The following LAMA2 variants were observed in gnomAD, a reference collection of about 807,000 sequenced individuals.
LAMA2 encodes laminin subunit alpha-2.
Under a neutral mutation model 364.8 loss-of-function variants are expected in LAMA2, and 269 were observed. The observed-to-expected ratio is 0.74, with a 90% CI of 0.67 to 0.82. The LOEUF is 0.82. Among genes scored for constraint, LAMA2 ranks in the 40% least tolerant of loss-of-function variants. The pLI is 0.00. For synonymous variants in LAMA2, 1,379 were observed against 1,370.6 expected (o/e 1.01, Z -0.14); for missense variants, 3,807 against 3,873.2 (o/e 0.98, Z 0.45).
At chr6:128,884,246 A>G (rs551527465) in intron 1 of LAMA2, among the ~76,000 whole-genome samples, 1 of 152,288 alleles carries the variant, frequency 6.6e-6, no homozygotes, top group African/African-American at 2.4e-5. Flanking sequence ...CATGTGCAGC[A>G]TTGTAAGACA....
intron 37 of LAMA2, among the ~76,000 whole-genome samples, chr6:129,400,986 T>G (rs1442191273): frequency 6.6e-6 from 1 of 152,254 alleles, no homozygotes; most frequent in Non-Finnish European, 1.5e-5. Flanking sequence ...CGCATAACTT[T>G]TCTTCGCTTG....
At chr6:128,909,126 G>A (rs1224926708) in intron 1 of LAMA2, among the ~76,000 whole-genome samples, 2 of 151,488 alleles carry the variant, frequency 1.3e-5, no homozygotes, top group Non-Finnish European at 2.9e-5. Flanking sequence ...ATTTGGGGTG[G>A]AGAGTTCTGT....
At chr6:129,410,523 TTAGATCTTCACTA>T (rs1457077130) in intron 40 of LAMA2, among the ~76,000 whole-genome samples, 1 of 152,186 alleles carries the variant, frequency 6.6e-6, no homozygotes, top group African/African-American at 2.4e-5. Context: ...ATTTGTTTAG[TTAGATCTTCACTA>T]GAAATAAGTA....
Position 129,438,672 on chromosome 6 carries a change from A to G in LAMA2, c.5995A>G (p.Lys1999Glu), listed in dbSNP as rs1463542458. Residue 1999 changes from lysine (K) to glutamate (E), a missense_variant, in exon 42 of 65, where the codon AAA becomes GAA. Coordinates refer to ENST00000421865, the MANE Select transcript of LAMA2 (RefSeq NM_000426.4). ...AAATGAAGACCATCTAAATGGCTTA[A>G]AAACCAGGATAGAAAATGCTGATGC... ...KENEDHLNGL[K>E]TRIENADARN... 1 of 1,605,792 alleles carries G rather than the reference A, an allele frequency of 6.2e-7. No individual in the cohort carries two copies. The highest frequency in any genetic ancestry group is 2.2e-5 in the East Asian group (1 of 44,718).
Position 128,914,418 on chromosome 6 carries a change from G to A in LAMA2, c.112+31061G>A, listed in dbSNP as rs567069021. 8.8e-4 allele frequency among the ~76,000 whole-genome samples: 134 copies of A among 152,288 alleles called. 1 individual carries two copies. Among genetic ancestry groups the A allele is most frequent in the Non-Finnish European group, 3.4e-4 (23 of 68,000 alleles). On this transcript the variant is annotated intron_variant, in intron 1 of 64. Transcript: ENST00000421865. The stretch of plus-strand genomic sequence containing the variant: ...AACAAAATGTAAAGTGAGCAACTAA[G>A]AAATACTTATAAGGGCTCACTTGTA...
At chr6:129,007,879 A>G (rs1470868174) in intron 1 of LAMA2, among the ~76,000 whole-genome samples, 1 of 152,192 alleles carries the variant, frequency 6.6e-6, no homozygotes, top group Admixed American at 6.5e-5. Context: ...TACTTGATTC[A>G]TCAGATGATG....
intron 1 of LAMA2, among the ~76,000 whole-genome samples, chr6:128,917,734 C>CTTTTTT (rs147581913): frequency 1.8e-5 from 2 of 111,762 alleles, no homozygotes; most frequent in South Asian, 2.8e-4. Context: ...TTCTTTCTTT[C>CTTTTTT]TTTTTTTTTT....
At chr6:128,984,137 C>G (rs1462727704) in intron 1 of LAMA2, among the ~76,000 whole-genome samples, 1 of 152,078 alleles carries the variant, frequency 6.6e-6, no homozygotes, top group African/African-American at 2.4e-5. Context: ...AAATTTCACC[C>G]TTTCCCTTCC....
At position 129,372,032 on chromosome 6, in the gene LAMA2, G is replaced by A. The variant is rs964442695; in HGVS notation, c.4959+2042G>A. 4.6e-5 allele frequency among the ~76,000 whole-genome samples: 7 copies of A among 152,092 alleles called. No homozygotes were observed. The South Asian group carries it at 6.2e-4, about 13-fold the overall frequency. On this transcript the variant is annotated intron_variant, in intron 34 of 64. Coordinates refer to ENST00000421865, the MANE Select transcript of LAMA2 (RefSeq NM_000426.4). Reference sequence around the variant, plus strand: ...ACTTTATTTTTTAGAACAGCTTAAAGTTCAAAGAAAAATTGAGTGTAAAGT... The same window carrying A: ...ACTTTATTTTTTAGAACAGCTTAAAATTCAAAGAAAAATTGAGTGTAAAGT...
intron 53 of LAMA2, 58 bp downstream of exon 53, chr6:129,475,459 T>G: frequency 7.4e-7 from 1 of 1,342,684 alleles, no homozygotes; most frequent in Non-Finnish European, 1.1e-6. Flanking sequence ...AAATGTGGCT[T>G]CTTAGATAAA....
intron 4 of LAMA2, among the ~76,000 whole-genome samples, chr6:129,131,386 G>T (rs916195272): frequency 3.9e-5 from 6 of 152,094 alleles, no homozygotes; most frequent in Non-Finnish European, 7.3e-5. Context: ...AGAAAATAAG[G>T]TCCTGAGTTT....
At position 129,460,184 on chromosome 6, in the gene LAMA2, G is replaced by A; in HGVS notation, c.6868-16G>A. 2 of 1,611,122 alleles carry A rather than the reference G, an allele frequency of 1.2e-6. No individual in the cohort carries two copies. Among genetic ancestry groups the A allele is most frequent in the Non-Finnish European group, 1.7e-6 (2 of 1,177,792 alleles). ...AAATTCCAAATTCTAGCAAATAACG[G>A]TATTTCTTTCTGCAGAAGGCTGATG... On this transcript the variant is annotated splice_polypyrimidine_tract_variant and intron_variant, in intron 48 of 64. Transcript: ENST00000421865.
intron 8 of LAMA2, among the ~76,000 whole-genome samples, chr6:129,164,553 G>A (rs1779625371): frequency 6.6e-6 from 1 of 152,148 alleles, no homozygotes; most frequent in Non-Finnish European, 1.5e-5. Context: ...CTTGCTGAGT[G>A]ATCACCATGA....
intron 1 of LAMA2, among the ~76,000 whole-genome samples, chr6:128,962,154 AT>A (rs1781562920): frequency 9.8e-6 from 1 of 101,966 alleles, no homozygotes; most frequent in Non-Finnish European, 2.0e-5. Flanking sequence ...ATATATATAT[AT>A]ATATATATAT....
At chr6:128,911,009 T>C (rs1382507444) in intron 1 of LAMA2, among the ~76,000 whole-genome samples, 1 of 151,202 alleles carries the variant, frequency 6.6e-6, no homozygotes, top group Non-Finnish European at 1.5e-5. Context: ...GATCTCCAGC[T>C]GCGTACTGGG....
chr6:129,076,069 G>C (rs947517986), intron 3 of LAMA2, among the ~76,000 whole-genome samples: 1 of 152,046 alleles, frequency 6.6e-6, no homozygotes, highest in African/African-American at 2.4e-5. Context: ...CTGGGAGACA[G>C]AGCAAGACGC....
intron 3 of LAMA2, among the ~76,000 whole-genome samples, chr6:129,081,557 C>A (rs1198931050): frequency 6.6e-6 from 1 of 152,028 alleles, no homozygotes; most frequent in East Asian, 1.9e-4. Flanking sequence ...GATCGTAATT[C>A]TTTTTGGGTA....
intron 37 of LAMA2, among the ~76,000 whole-genome samples, chr6:129,397,045 A>G (rs1258553090): frequency 1.3e-5 from 2 of 151,912 alleles, no homozygotes. Flanking sequence ...ACAGGAAGAT[A>G]GCTTTTGCAG....
chr6:128,979,740 A>C (rs1300577080), intron 1 of LAMA2, among the ~76,000 whole-genome samples: 1 of 152,204 alleles, frequency 6.6e-6, no homozygotes, highest in Non-Finnish European at 1.5e-5. Context: ...CAAGCTATAG[A>C]AGTTAATGGA....
Sources: gnomAD v4.1 joint callset for allele counts (sites outside exome capture counted in the v4.1 genomes callset) on GRCh38, gnomAD v4.1.1 for gene constraint, MANE v1.5 for transcripts, NCBI Gene and HGNC (gene_info 2026-07-23, HGNC 2026-07-21) for gene names.